GTF3C5: variants seen among roughly 807,000 people sequenced by gnomAD.
GTF3C5 encodes the protein general transcription factor 3C polypeptide 5.
A neutral mutation model predicts 61.0 loss-of-function variants in GTF3C5; 47 were observed. The observed-to-expected ratio is 0.77, with a 90% CI of 0.61 to 0.98. The LOEUF (loss-of-function observed/expected upper bound fraction) is 0.98, where lower values mean the gene tolerates loss of function less well. GTF3C5 is among the 50% of genes least tolerant of loss of function. The pLI, the probability that GTF3C5 is intolerant of heterozygous loss-of-function variation, is 0.00. For synonymous variants in GTF3C5, 295 were observed against 275.4 expected (o/e 1.07, Z -0.71); for missense variants, 659 against 703.3 (o/e 0.94, Z 0.71).
rs549729343 is a variant in GTF3C5, at chr9:133,048,538, G to A, written c.573-2245G>A. Among the ~76,000 whole-genome samples, 491 of 152,280 alleles carry A rather than the reference G, an allele frequency of 3.2e-3. 2 individuals carry two copies. Among genetic ancestry groups the A allele is most frequent in the Non-Finnish European group, 5.4e-3 (367 of 67,994 alleles). ...CAAAAAATTAGCCGGGCGTGGTGGC[G>A]CATGCTTGTAATCCCAGCTACTTGG... On this transcript the variant is annotated intron_variant, in intron 3 of 10. Coordinates refer to ENST00000372097, the MANE Select transcript of GTF3C5 (RefSeq NM_012087.4).
intron 2 of GTF3C5, among the ~76,000 whole-genome samples, chr9:133,042,641 T>C (rs966138596): frequency 6.6e-6 from 1 of 152,220 alleles, no homozygotes; most frequent in Non-Finnish European, 1.5e-5. Context: ...AACCTTCTCT[T>C]GTCTCGGCTG....
At chr9:133,042,056 C>T in intron 1 of GTF3C5, 31 bp from the exon 2 acceptor site, 1 of 1,521,434 alleles carries the variant, frequency 6.6e-7, no homozygotes. Context: ...CTTGTCATTG[C>T]TTCACTCTGT....
At chr9:133,055,005 G>A (rs1469632385) in intron 8 of GTF3C5, 196 bp downstream of exon 8, 5 of 1,551,600 alleles carry the variant, frequency 3.2e-6, no homozygotes, top group African/African-American at 1.4e-5. Flanking sequence ...GTGTGTGTTG[G>A]GGACATCTGG....
intron 3 of GTF3C5, among the ~76,000 whole-genome samples, chr9:133,045,782 G>A (rs577469240): frequency 7.2e-5 from 11 of 152,200 alleles, no homozygotes; most frequent in Admixed American, 6.5e-4. Context: ...GACTGCAGGC[G>A]CCCACCAGTA....
At chr9:133,030,758 TG>T, upstream of GTF3C5, 1 of 599,308 alleles carries the variant, frequency 1.7e-6, no homozygotes, top group Non-Finnish European at 3.1e-6. Flanking sequence ...GACTGGTGCT[TG>T]CCCCGCCCGG....
At chr9:133,052,536 G>A (rs949094705) in intron 5 of GTF3C5, among the ~76,000 whole-genome samples, 3 of 152,082 alleles carry the variant, frequency 2.0e-5, no homozygotes, top group South Asian at 4.1e-4. Flanking sequence ...TGACCACAGC[G>A]GCCCCATGTC....
In GTF3C5 at chr9:133,052,090, A is replaced by ACGG; in HGVS notation, c.799_800insCGG (p.Asn267delinsThrAsp). 6.2e-7 allele frequency: 1 copy of ACGG among 1,607,510 alleles called. No individual in the cohort carries two copies. The highest frequency in any genetic ancestry group is 8.5e-7 in the Non-Finnish European group (1 of 1,176,370). On this transcript the variant is annotated protein_altering_variant, in exon 5 of 11. Transcript: ENST00000372097. Reference sequence around the variant, plus strand: ...TGACATCCGTCCCATCTGGTCCCGAAATGCTGTCAAGGCCAACATCAGCGT... The same window carrying ACGG: ...TGACATCCGTCCCATCTGGTCCCGAACGGATGCTGTCAAGGCCAACATCAGCGT...
intron 9 of GTF3C5, 113 bp downstream of exon 9, chr9:133,056,207 C>A: frequency 1.2e-6 from 1 of 838,444 alleles, no homozygotes; most frequent in Non-Finnish European, 1.9e-6. Flanking sequence ...CAAGAGCACT[C>A]GCCTGTCTGG....
rs1207985426 is a variant in GTF3C5 at position 133,042,324 on chromosome 9, T to G, written c.373+18T>G. The G allele has an allele frequency of 6.7e-7, 1 of 1,487,718 alleles. No homozygotes were observed. 92.2% of individuals were successfully genotyped at this position (1,487,718 alleles called of 1,614,324 possible). A position where few individuals can be genotyped will look rare whatever the true frequency, so the allele number is the denominator to read the frequency against. On this transcript the variant is annotated intron_variant, in intron 2 of 10. Coordinates refer to ENST00000372097, the MANE Select transcript of GTF3C5 (RefSeq NM_012087.4). ...ATTTCAGGGTAACTGAAATCTGCTC[T>G]TGCAATGTCTGGTTATTTCAGGGCT...
chr9:133,052,116 C>A lies in GTF3C5; in HGVS notation c.825C>A (p.Val275=). 1 of 1,609,702 alleles carries A rather than the reference C, an allele frequency of 6.2e-7. No individual in the cohort carries two copies. The highest frequency in any genetic ancestry group is 1.1e-5 in the South Asian group (1 of 90,420). ...ATGCTGTCAAGGCCAACATCAGCGT[C>A]CACCCAGACAAGCTCAAGGTCTTGC... The part of the protein sequence containing the change: ...SRNAVKANIS[V]HPDKLKVLLP... The change falls in exon 5 of 11, where the codon GTC becomes GTA. Residue 275 remains valine, a synonymous_variant. Transcript: ENST00000372097.
chr9:133,056,141 C>T (rs1285751579), intron 9 of GTF3C5, 47 bp downstream of exon 9: 1 of 1,530,930 alleles, frequency 6.5e-7, no homozygotes, highest in Non-Finnish European at 9.0e-7. Context: ...CCCGTGGGAC[C>T]CAGGGACCAA....
chr9:133,054,363 C>A, intron 6 of GTF3C5, 45 bp from the exon 7 acceptor site: 1 of 1,507,588 alleles, frequency 6.6e-7, no homozygotes, highest in African/African-American at 1.4e-5. Context: ...TGTGTGCCGA[C>A]GGGCCCTGTG....
chr9:133,044,958 GATGAA>G (rs941186749), intron 3 of GTF3C5, among the ~76,000 whole-genome samples: 16 of 147,250 alleles, frequency 1.1e-4, no homozygotes, highest in African/African-American at 3.3e-4. Flanking sequence ...ATGCAATTCA[GATGAA>G]ATGAATTCTG....
intron 5 of GTF3C5, among the ~76,000 whole-genome samples, chr9:133,052,488 C>T (rs888654950): frequency 4.0e-5 from 6 of 151,832 alleles, no homozygotes; most frequent in African/African-American, 9.7e-5. Flanking sequence ...GAGTCCAGGG[C>T]GCCCTCCACA....
At chr9:133,031,220 G>T (rs1849722566) in intron 1 of GTF3C5, 56 bp downstream of exon 1, 2 of 1,456,618 alleles carry the variant, frequency 1.4e-6, no homozygotes, top group South Asian at 2.5e-5. Context: ...CAAAGAAAAC[G>T]AGCACTCAAA....
At chr9:133,053,794 C>A in intron 5 of GTF3C5, 34 bp from the exon 6 acceptor site, 1 of 1,419,598 alleles carries the variant, frequency 7.0e-7, no homozygotes. Flanking sequence ...GGGCCTTCAC[C>A]TCACCTCACA....
chr9:133,051,272 A>G (rs1850365157), intron 4 of GTF3C5, among the ~76,000 whole-genome samples: 1 of 152,222 alleles, frequency 6.6e-6, no homozygotes, highest in Admixed American at 6.5e-5. Context: ...TTATTCTTCC[A>G]TTCACTCATT....
intron 1 of GTF3C5, among the ~76,000 whole-genome samples, chr9:133,038,914 A>G (rs1849958407): frequency 6.6e-6 from 1 of 152,174 alleles, no homozygotes; most frequent in East Asian, 1.9e-4. Context: ...AGCTCTGTTG[A>G]CTTACCTGAG....
intron 6 of GTF3C5, 106 bp from the exon 7 acceptor site, chr9:133,054,302 C>T (rs1829856041): frequency 3.3e-6 from 3 of 903,276 alleles, no homozygotes; most frequent in Non-Finnish European, 3.6e-6. Context: ...GTTGCCCTCT[C>T]AGGAGCTGGC....
Sources: gnomAD v4.1 joint callset for allele counts (sites outside exome capture counted in the v4.1 genomes callset) on GRCh38, gnomAD v4.1.1 for gene constraint, MANE v1.5 for transcripts, NCBI Gene and HGNC (gene_info 2026-07-23, HGNC 2026-07-21) for gene names.